PFKL: variants seen among roughly 807,000 people sequenced by gnomAD.
PFKL encodes phosphofructokinase, liver type.
A neutral mutation model predicts 92.1 loss-of-function variants in PFKL; 74 were observed. The observed-to-expected ratio is 0.80, with a 90% CI of 0.67 to 0.97. The LOEUF is 0.97. Among genes scored for constraint, PFKL ranks in the 50% least tolerant of loss-of-function variants. The pLI, the probability that PFKL is intolerant of heterozygous loss-of-function variation, is 0.00. For missense variants in PFKL, 1,028 were observed against 1,116.6 expected (o/e 0.92, Z 1.13); for synonymous variants, 494 against 456.4 (o/e 1.08, Z -1.05).
At chr21:44,320,227 G>GCAGGCCCAGCCAC in intron 12 of PFKL, 80 bp downstream of exon 12, 1 of 1,298,656 alleles carries the variant, frequency 7.7e-7, no homozygotes, top group Non-Finnish European at 1.1e-6. Context: ...CCCGTGGCTG[G>GCAGGCCCAGCCAC]GCCTGCCTGC....
intron 7 of PFKL, chr21:44,315,970 C>T: frequency 2.1e-6 from 1 of 486,496 alleles, no homozygotes; most frequent in South Asian, 2.1e-5. Context: ...TGGGCCCAGC[C>T]CCGAGGGCCC....
intron 5 of PFKL, 132 bp downstream of exon 5, chr21:44,313,275 C>A: frequency 9.7e-7 from 1 of 1,030,114 alleles, no homozygotes. Flanking sequence ...CAGCCGCCCT[C>A]AGCCCCCAGC....
At chr21:44,323,551 C>A (rs1339124798) in intron 15 of PFKL, among the ~76,000 whole-genome samples, 2 of 152,158 alleles carry the variant, frequency 1.3e-5, no homozygotes, top group Non-Finnish European at 2.9e-5. Context: ...CCTGACCCTC[C>A]TTAGAGTCCA....
At chr21:44,325,026 A>C in intron 18 of PFKL, 109 bp downstream of exon 18, 1 of 1,216,628 alleles carries the variant, frequency 8.2e-7, no homozygotes. Context: ...GTCCTTGGAG[A>C]GGGTGGGCCA....
rs781165535 is a variant in PFKL, at chr21:44,326,696, C to T, written c.2196-19C>T. The T allele has an allele frequency of 3.6e-5, 58 of 1,610,062 alleles. No homozygotes were observed. The South Asian group carries it at 6.3e-4, about 17-fold the overall frequency. On this transcript the variant is annotated intron_variant, in intron 21 of 21. Transcript: ENST00000349048. ...TGACCCCTGACTCCCCATCATCCTC[C>T]CATCCCCGTCCTGCACAGGCACCGC...
intron 2 of PFKL, among the ~76,000 whole-genome samples, chr21:44,308,694 T>C (rs988457844): frequency 6.6e-6 from 1 of 151,926 alleles, no homozygotes; most frequent in Admixed American, 6.6e-5. Flanking sequence ...CCTGAGTAGC[T>C]GGGATTACAG....
chr21:44,306,646 G>T (rs940959812), intron 1 of PFKL, 35 bp from the exon 2 acceptor site: 1 of 1,598,072 alleles, frequency 6.3e-7, no homozygotes, highest in African/African-American at 1.3e-5. Flanking sequence ...TTGCTTCTCA[G>T]CGTGGGACTG....
At chr21:44,315,449 C>T (rs1021425183) in intron 7 of PFKL, 3 of 152,534 alleles carry the variant, frequency 2.0e-5, no homozygotes, top group African/African-American at 2.4e-5. Flanking sequence ...CCTGCACTGG[C>T]GCCACCTCCT....
rs201072253 is a variant in PFKL, at chr21:44,323,873, C to T, written c.1605C>T (p.Thr535=). 4.1e-5 allele frequency: 66 copies of T among 1,613,542 alleles called. 1 individual carries two copies. Among genetic ancestry groups the T allele is most frequent in the African/African-American group, 5.3e-5 (4 of 75,036 alleles). ...PATISNNVPG[T]DFSLGSDTAV... The stretch of plus-strand genomic sequence containing the variant: ...CCATCAGCAACAACGTCCCTGGCAC[C>T]GACTTCAGCCTGGGCTCCGACACTG... The change falls in exon 16 of 22, where the codon ACC becomes ACT. Residue 535 remains threonine, a synonymous_variant. Coordinates refer to ENST00000349048, the MANE Select transcript of PFKL (RefSeq NM_002626.6).
intron 16 of PFKL, among the ~76,000 whole-genome samples, 183 bp downstream of exon 16, chr21:44,324,101 CA>C (rs955314230): frequency 2.6e-5 from 4 of 152,118 alleles, no homozygotes; most frequent in African/African-American, 9.7e-5. Flanking sequence ...CTTCCAGGTC[CA>C]GGGGGGCCCT....
intron 9 of PFKL, among the ~76,000 whole-genome samples, 173 bp downstream of exon 9, chr21:44,316,697 GGT>G (rs1200954243): frequency 6.6e-6 from 1 of 151,834 alleles, no homozygotes; most frequent in South Asian, 2.1e-4. Flanking sequence ...GGTCCTTGTG[GGT>G]GTGTCTGTGT....
intron 11 of PFKL, chr21:44,319,800 C>T (rs1191918536): frequency 5.8e-6 from 3 of 513,004 alleles, no homozygotes; most frequent in African/African-American, 1.9e-5. Flanking sequence ...TCTGGGTTCC[C>T]ATGCGTGCCT....
At chr21:44,300,516 G>A (rs982883340) in intron 1 of PFKL, among the ~76,000 whole-genome samples, 11 of 152,164 alleles carry the variant, frequency 7.2e-5, no homozygotes, top group African/African-American at 2.7e-4. Context: ...GAGGGCGCCG[G>A]TCCCGCCACC....
Position 44,316,280 on chromosome 21 carries a change from A to G in PFKL, c.784A>G (p.Ile262Val), listed in dbSNP as rs1470201233. 2 of 1,613,074 alleles carry G rather than the reference A, an allele frequency of 1.2e-6. No homozygotes were observed. Among genetic ancestry groups the G allele is most frequent in the Non-Finnish European group, 1.7e-6 (2 of 1,179,964 alleles). Reference sequence around the variant, plus strand: ...TGGGTCCCGACTGAACATCATCATCATCGCTGAGGGTGCCATTGACCGCAA... The same window carrying G: ...TGGGTCCCGACTGAACATCATCATCGTCGCTGAGGGTGCCATTGACCGCAA... ...SRGSRLNIII[I>V]AEGAIDRNGK... The change falls in exon 8 of 22, where the codon ATC (isoleucine) becomes GTC (valine). Residue 262 changes from isoleucine to valine, a missense_variant. Physicochemically the swap from Ile to Val is conservative, Grantham distance 29. Coordinates refer to ENST00000349048, the MANE Select transcript of PFKL (RefSeq NM_002626.6).
At chr21:44,323,341 G>A (rs1376649987) in intron 15 of PFKL, among the ~76,000 whole-genome samples, 1 of 152,178 alleles carries the variant, frequency 6.6e-6, no homozygotes, top group Non-Finnish European at 1.5e-5. Flanking sequence ...CTGGGGAGGG[G>A]CAGGGGAGGA....
chr21:44,309,096 G>T (rs2041039449), intron 2 of PFKL, among the ~76,000 whole-genome samples: 1 of 152,118 alleles, frequency 6.6e-6, no homozygotes, highest in African/African-American at 2.4e-5. Flanking sequence ...GCAGAGGGTC[G>T]AGAGGCAGAA....
At chr21:44,305,001 GC>G (rs2040890894) in intron 1 of PFKL, among the ~76,000 whole-genome samples, 1 of 152,134 alleles carries the variant, frequency 6.6e-6, no homozygotes, top group African/African-American at 2.4e-5. Flanking sequence ...TAACGTCTGT[GC>G]CCCTTCTTCT....
Position 44,324,937 on chromosome 21 carries a change from C to G in PFKL, c.1877+20C>G. 1.3e-6 allele frequency: 2 copies of G among 1,587,446 alleles called. No homozygotes were observed. Among genetic ancestry groups the G allele is most frequent in the South Asian group, 2.3e-5 (2 of 88,500 alleles). ...GCTGCGGTGAGGCTGCCGTGGGTCC[C>G]TGGCCACAGCTGCGCGTCCAACTCT... On this transcript the variant is annotated intron_variant, in intron 18 of 21. Transcript: ENST00000349048.
At position 44,326,982 on chromosome 21, in the gene PFKL, T is replaced by C; in HGVS notation, c.*120T>C. On this transcript the variant is annotated 3_prime_UTR_variant, in exon 22 of 22. Transcript: ENST00000349048. ...AGGCAGGTGGGGGCTGCGTCCCTGCTCAGCCCATCCCCTGCCTCTATCCCT... is the reference window on the plus strand; with the variant it reads ...AGGCAGGTGGGGGCTGCGTCCCTGCCCAGCCCATCCCCTGCCTCTATCCCT... 1 of 914,794 alleles carries C rather than the reference T, an allele frequency of 1.1e-6. No individual in the cohort carries two copies. Among genetic ancestry groups the C allele is most frequent in the Non-Finnish European group, 1.7e-6 (1 of 596,006 alleles). The allele number at this position is 914,794 out of a possible 1,614,324, so 56.7% of individuals were successfully genotyped here. A position where few individuals can be genotyped will look rare whatever the true frequency, so the allele number is the denominator to read the frequency against.
Sources: allele counts gnomAD v4.1 joint callset (sites outside exome capture counted in the v4.1 genomes callset), GRCh38; gene constraint gnomAD v4.1.1; transcripts MANE v1.5; gene names NCBI Gene and HGNC (gene_info 2026-07-23, HGNC 2026-07-21).